The following USH2A variants were observed in gnomAD, a reference collection of about 807,000 sequenced individuals.
USH2A encodes the protein usherin.
A neutral mutation model predicts 538.9 loss-of-function variants in USH2A; 443 were observed. The ratio of observed to expected loss-of-function variants is 0.82; its 90% CI spans 0.76 to 0.89. The LOEUF (loss-of-function observed/expected upper bound fraction) is 0.89. Ranked by LOEUF, USH2A falls within the 40% of genes least tolerant of loss-of-function variation. The probability of loss-of-function intolerance (pLI) is 0.00; values close to 1 mark genes in which losing one functional copy is unlikely to be tolerated. For missense variants in USH2A, 6,633 were observed against 6,324.8 expected, an observed-to-expected ratio of 1.05 and a Z score of -1.65; for synonymous variants, 2,413 against 2,273.5, an observed-to-expected ratio of 1.06 and a Z score of -1.75.
chr1:216,327,666 C>T lies in USH2A; in HGVS notation c.785-12G>A. The T allele has an allele frequency of 6.2e-7, 1 of 1,612,804 alleles. No homozygotes were observed. On this transcript the variant is annotated splice_polypyrimidine_tract_variant and intron_variant, in intron 4 of 71. Transcript: ENST00000307340. ...AAACTGCTCTAAACCTGCAAATACA[C>T]ACATGTGCATAATATAAGAAGTCTC... is the stretch of plus-strand genomic sequence containing the variant.
At chr1:215,997,633 G>A (rs1257977184) in intron 34 of USH2A, among the ~76,000 whole-genome samples, 1 of 151,890 alleles carries the variant, frequency 6.6e-6, no homozygotes, top group Non-Finnish European at 1.5e-5. Context: ...TCCTAAAAAC[G>A]GCCCTAGGAA....
intron 44 of USH2A, among the ~76,000 whole-genome samples, chr1:215,849,775 G>A (rs1663969092): frequency 6.6e-6 from 1 of 152,174 alleles, no homozygotes; most frequent in Non-Finnish European, 1.5e-5. Flanking sequence ...TATGTGGAAT[G>A]TCAAATGTTG....
At chr1:216,249,739 T>C (rs2036123024) in intron 12 of USH2A, among the ~76,000 whole-genome samples, 1 of 152,174 alleles carries the variant, frequency 6.6e-6, no homozygotes, top group South Asian at 2.1e-4. Flanking sequence ...CTTGTCTAGC[T>C]GAATTGTGTA....
At chr1:216,228,672 G>A (rs150274752) in intron 14 of USH2A, among the ~76,000 whole-genome samples, 17 of 152,204 alleles carry the variant, frequency 1.1e-4, no homozygotes, top group Non-Finnish European at 1.5e-4. Context: ...TGTAAGTCCC[G>A]TAAACTTCTT....
chr1:215,781,996 T>C, intron 54 of USH2A, 46 bp downstream of exon 54: 2 of 1,612,206 alleles, frequency 1.2e-6, no homozygotes, highest in Non-Finnish European at 1.7e-6. Context: ...TCAGATAATC[T>C]TCACACTGAA....
chr1:216,216,408 G>A (rs1452104102), intron 15 of USH2A, among the ~76,000 whole-genome samples: 2 of 152,040 alleles, frequency 1.3e-5, no homozygotes, highest in African/African-American at 2.4e-5. Flanking sequence ...TTGTTGTGGA[G>A]TCCAATATCC....
intron 55 of USH2A, among the ~76,000 whole-genome samples, chr1:215,770,185 C>T (rs1349998644): frequency 6.6e-6 from 1 of 152,098 alleles, no homozygotes; most frequent in Non-Finnish European, 1.5e-5. Flanking sequence ...TTCACCTGGA[C>T]TGAGGAGTGC....
chr1:215,733,584 C>T lies in USH2A; in HGVS notation c.11712-5200G>A, dbSNP rs929351265. On this transcript the variant is annotated intron_variant, in intron 60 of 71. Transcript: ENST00000307340. ...TCATCTGGAGACTCATCTCCTTTCACCTATAAGCCTATAAAATCAAAACAA... is the reference window on the plus strand; with the variant it reads ...TCATCTGGAGACTCATCTCCTTTCATCTATAAGCCTATAAAATCAAAACAA... Among the ~76,000 whole-genome samples, 16 of 152,302 alleles carry T rather than the reference C, an allele frequency of 1.1e-4. No homozygotes were observed. The East Asian group carries it at 3.1e-3, about 29-fold the overall frequency.
chr1:216,048,674 T>C (rs2030628962), intron 30 of USH2A, 27 bp from the exon 31 acceptor site: 5 of 1,582,940 alleles, frequency 3.2e-6, no homozygotes, highest in Non-Finnish European at 4.3e-6. Context: ...CAAAAGAGGG[T>C]TGCGTGTTTA....
In USH2A at chr1:216,409,933, T is replaced by C. The variant is rs555522996; in HGVS notation, c.651+8581A>G. Among the ~76,000 whole-genome samples, 42 of 152,126 alleles carry C rather than the reference T, an allele frequency of 2.8e-4. 1 individual carries two copies. Among genetic ancestry groups the C allele is most frequent in the African/African-American group, 8.9e-4 (37 of 41,512 alleles). On this transcript the variant is annotated intron_variant, in intron 3 of 71. Transcript: ENST00000307340. ...ATCAACAGAGTGAACAGATAACCTA[T>C]AGAGTGAGAGAAAAGTTTTGCAAAC...
intron 14 of USH2A, among the ~76,000 whole-genome samples, chr1:216,221,958 C>T (rs964895442): frequency 2.0e-5 from 3 of 152,134 alleles, no homozygotes; most frequent in African/African-American, 7.2e-5. Flanking sequence ...AGAATTACAG[C>T]TGTTTGAAAT....
chr1:215,813,741 A>G lies in USH2A; in HGVS notation c.9734T>C (p.Leu3245Pro). 2 of 1,613,868 alleles carry G rather than the reference A, an allele frequency of 1.2e-6. No individual in the cohort carries two copies. Among genetic ancestry groups the G allele is most frequent in the South Asian group, 1.1e-5 (1 of 91,080 alleles). The change falls in exon 49 of 72, where the codon CTA becomes CCA. Residue 3245 changes from leucine (L) to proline (P), a missense_variant. Physicochemically the swap from Leu to Pro is moderately conservative, Grantham distance 98. Transcript: ENST00000307340. ...CACCTGGAAATAACCCTCACCTGGT[A>G]GAATTCTAGCGTAATACCCAGAGCA... ...QCCSGYYARILPGEVCCPDEQ... is the reference protein window; with the variant it reads ...QCCSGYYARIPPGEVCCPDEQ...
At chr1:215,943,142 A>G (rs1406501843) in intron 37 of USH2A, among the ~76,000 whole-genome samples, 1 of 152,168 alleles carries the variant, frequency 6.6e-6, no homozygotes, top group African/African-American at 2.4e-5. Context: ...CTGCCCATAC[A>G]AGGCATAAGC....
chr1:215,869,996 T>C (rs6656688), intron 43 of USH2A, among the ~76,000 whole-genome samples: 33,856 of 152,090 alleles, frequency 0.22, 4,369 homozygotes, highest in African/African-American at 0.35. Flanking sequence ...AAGAGATGGC[T>C]TTAGAGTTTA....
At position 216,113,458 on chromosome 1, in the gene USH2A, G is replaced by T. The variant is rs531490252; in HGVS notation, c.4628-16245C>A. ...CAAAACATTTCTAGCATCAGGAATA[G>T]TTTGGCCTGGCATTTCTGAAAGACG... On this transcript the variant is annotated intron_variant, in intron 21 of 71. Transcript: ENST00000307340. Among the ~76,000 whole-genome samples, 13 of 152,268 alleles carry T rather than the reference G, an allele frequency of 8.5e-5. 1 individual carries two copies. Among genetic ancestry groups the T allele is most frequent in the African/African-American group, 3.1e-4 (13 of 41,584 alleles).
Position 216,325,525 on chromosome 1 carries a change from T to C in USH2A, c.923A>G (p.His308Arg). 7 of 1,613,612 alleles carry C rather than the reference T, an allele frequency of 4.3e-6. No homozygotes were observed. Among genetic ancestry groups the C allele is most frequent in the East Asian group, 2.2e-5 (1 of 44,782 alleles). Residue 308 changes from histidine (H) to arginine (R), a missense_variant, in exon 6 of 72, where the codon CAC becomes CGC. Physicochemically the swap from His to Arg is conservative, Grantham distance 29 (BLOSUM62 0). Transcript: ENST00000307340. ...AQSHCRCPGS[H>R]PRVHPLAQRY... Reference sequence around the variant, plus strand: ...CTGTGCCAAAGGGTGGACCCGCGGGTGGCTGCCAGGGCAACGGCAATGTGA... The same window carrying C: ...CTGTGCCAAAGGGTGGACCCGCGGGCGGCTGCCAGGGCAACGGCAATGTGA...
chr1:216,202,597 G>C (rs957966358), intron 16 of USH2A, among the ~76,000 whole-genome samples: 2 of 152,140 alleles, frequency 1.3e-5, no homozygotes, highest in African/African-American at 4.8e-5. Flanking sequence ...CATTTTCAGA[G>C]AAACATTTAC....
At chr1:215,722,060 G>C (rs373436490) in intron 61 of USH2A, among the ~76,000 whole-genome samples, 1,454 of 99,442 alleles carry the variant, frequency 0.015, 25 homozygotes, top group African/African-American at 0.05. Context: ...GCAAGACCCT[G>C]TCTCTTTAAA....
At chr1:216,054,723 T>C (rs2102532349) in intron 30 of USH2A, among the ~76,000 whole-genome samples, 1 of 149,032 alleles carries the variant, frequency 6.7e-6, no homozygotes, top group Non-Finnish European at 1.5e-5. Context: ...TAATCTGTTC[T>C]CCTTCATTAT....
Sources: allele counts gnomAD v4.1 joint callset (sites outside exome capture counted in the v4.1 genomes callset), GRCh38; gene constraint gnomAD v4.1.1; transcripts MANE v1.5; gene names NCBI Gene and HGNC (gene_info 2026-07-23, HGNC 2026-07-21).